The following HDAC4 variants were observed in gnomAD, a reference collection of about 807,000 sequenced individuals.
HDAC4 encodes the protein histone deacetylase A.
A neutral mutation model predicts 135.1 loss-of-function variants in HDAC4; 16 were observed. The observed-to-expected ratio is 0.12, with a 90% CI of 0.08 to 0.18. The LOEUF is 0.18. Ranked by LOEUF, HDAC4 falls within the 10% of genes least tolerant of loss-of-function variation. The probability of loss-of-function intolerance (pLI) is 1.00; values close to 1 mark genes in which losing one functional copy is unlikely to be tolerated. For synonymous variants in HDAC4, 685 were observed against 653.4 expected (o/e 1.05, Z -0.74); for missense variants, 1,143 against 1,511.8 (o/e 0.76, Z 4.05).
intron 3 of HDAC4, among the ~76,000 whole-genome samples, chr2:239,211,463 T>C (rs866272505): frequency 2.6e-5 from 4 of 152,186 alleles, no homozygotes; most frequent in Admixed American, 2.0e-4. Flanking sequence ...TTTAGTCAAA[T>C]GAGGATGAAG....
In HDAC4 at chr2:239,303,480, C is replaced by T. The variant is rs760228168; in HGVS notation, c.22+49198G>A. On this transcript the variant is annotated intron_variant, in intron 2 of 26. Transcript: ENST00000543185. The surrounding 1 kb of genome is among the most constrained non-coding windows in gnomAD (Gnocchi z 5.1). ...TCACAAGCACCCCACGAACAAGACACGGCAGCGTGCTTCCTCGATCTCCCC... is the reference window on the plus strand; with the variant it reads ...TCACAAGCACCCCACGAACAAGACATGGCAGCGTGCTTCCTCGATCTCCCC... Among the ~76,000 whole-genome samples, 6 of 152,280 alleles carry T rather than the reference C, an allele frequency of 3.9e-5. No individual in the cohort carries two copies. The highest frequency in any genetic ancestry group is 7.2e-5 in the African/African-American group (3 of 41,564).
At chr2:239,267,676 G>C (rs1287945310) in intron 2 of HDAC4, among the ~76,000 whole-genome samples, 1 of 152,260 alleles carries the variant, frequency 6.6e-6, no homozygotes, top group Non-Finnish European at 1.5e-5. Flanking sequence ...CCTGTGCCAG[G>C]GGCCCTGCGC....
intron 6 of HDAC4, among the ~76,000 whole-genome samples, chr2:239,158,212 G>T (rs9631045): frequency 6.6e-6 from 1 of 152,134 alleles, no homozygotes. Context: ...CTACCAAATA[G>T]TATTTTCAGA....
At chr2:239,341,140 G>A (rs889153736) in intron 2 of HDAC4, among the ~76,000 whole-genome samples, 1 of 152,206 alleles carries the variant, frequency 6.6e-6, no homozygotes, top group Non-Finnish European at 1.5e-5. Context: ...AAATGTTCTA[G>A]AACTCTTTTT....
chr2:239,396,716 G>A (rs1010967184), intron 1 of HDAC4, among the ~76,000 whole-genome samples: 2 of 152,198 alleles, frequency 1.3e-5, no homozygotes, highest in African/African-American at 4.8e-5. Flanking sequence ...TTGCCAAAGA[G>A]ATTTTTTAAA....
intron 16 of HDAC4, among the ~76,000 whole-genome samples, chr2:239,100,840 G>A (rs1417256326): frequency 1.3e-5 from 2 of 152,098 alleles, no homozygotes; most frequent in Non-Finnish European, 2.9e-5. Context: ...CTCATCTAGA[G>A]CAGCTGTCTC....
chr2:239,128,616 T>C (rs2040361095), intron 11 of HDAC4, among the ~76,000 whole-genome samples: 1 of 152,018 alleles, frequency 6.6e-6, no homozygotes, highest in African/African-American at 2.4e-5. Flanking sequence ...ACGGAGGAAA[T>C]AAGGAAGTCA....
At chr2:239,401,206 C>A (rs1386185288), upstream of HDAC4, among the ~76,000 whole-genome samples, 5 of 150,790 alleles carry the variant, frequency 3.3e-5, no homozygotes, top group South Asian at 6.3e-4. Flanking sequence ...CCGCCCCGGG[C>A]GCCTGGCCGG....
chr2:239,124,967 G>A (rs1403393504), intron 12 of HDAC4, among the ~76,000 whole-genome samples: 1 of 150,596 alleles, frequency 6.6e-6, no homozygotes, highest in Non-Finnish European at 1.5e-5. Context: ...TGACATTCTG[G>A]TGTGCTGGCG....
At chr2:239,126,901 C>T (rs1393601879) in intron 11 of HDAC4, among the ~76,000 whole-genome samples, 1 of 152,212 alleles carries the variant, frequency 6.6e-6, no homozygotes. Context: ...ACTATAGGAA[C>T]CATAATTTGG....
At chr2:239,094,767 G>A in intron 17 of HDAC4, 1 of 1,371,102 alleles carries the variant, frequency 7.3e-7, no homozygotes, top group Non-Finnish European at 9.5e-7. Flanking sequence ...TAAAGCGAGA[G>A]CCACTGCACC....
At chr2:239,249,964 C>T (rs1202106691) in intron 2 of HDAC4, among the ~76,000 whole-genome samples, 2 of 152,164 alleles carry the variant, frequency 1.3e-5, no homozygotes, top group African/African-American at 2.4e-5. Context: ...TGCTGTGACG[C>T]GTCATCCAAG....
intron 2 of HDAC4, among the ~76,000 whole-genome samples, chr2:239,253,033 G>A (rs1278010703): frequency 6.6e-6 from 1 of 152,218 alleles, no homozygotes; most frequent in African/African-American, 2.4e-5. Flanking sequence ...GTGCCTGGCA[G>A]AGCAGAGGCA....
chr2:239,117,647 CAGA>C (rs1194499387), intron 12 of HDAC4, among the ~76,000 whole-genome samples: 6 of 151,078 alleles, frequency 4.0e-5, no homozygotes, highest in South Asian at 4.2e-4. Context: ...GGGAGTTTCT[CAGA>C]AGAAGGCACT....
At chr2:239,164,669 C>T (rs1056127582) in intron 5 of HDAC4, among the ~76,000 whole-genome samples, 1 of 152,218 alleles carries the variant, frequency 6.6e-6, no homozygotes, top group East Asian at 1.9e-4. Context: ...TAAGTATCTT[C>T]CTAGTGTTGC....
chr2:239,302,516 C>A (rs2052328041), intron 2 of HDAC4, among the ~76,000 whole-genome samples: 1 of 152,220 alleles, frequency 6.6e-6, no homozygotes, highest in African/African-American at 2.4e-5. Context: ...AACAGCTTCC[C>A]CCAGGAAGGA....
rs2041198224 is a variant in HDAC4 at position 239,139,452 on chromosome 2, C to T, written c.978+232G>A. Among the ~76,000 whole-genome samples, 1 of 152,138 alleles carries T rather than the reference C, an allele frequency of 6.6e-6. No individual in the cohort carries two copies. The stretch of plus-strand genomic sequence containing the variant: ...AAAGGACCAGGCTCAGGGCTGTCCC[C>T]GACGTGCCTGGAACTAGCGTGTTCA... On this transcript the variant is annotated intron_variant, in intron 9 of 26. Transcript: ENST00000543185. This position sits in a 1 kb window ranked among gnomAD's most constrained non-coding sequence, Gnocchi z 5.3.
intron 21 of HDAC4, among the ~76,000 whole-genome samples, chr2:239,081,809 C>T (rs369473403): frequency 5.3e-5 from 8 of 152,302 alleles, no homozygotes; most frequent in South Asian, 2.1e-4. Flanking sequence ...GGGCCCTGCC[C>T]GGAGGAAAAC....
At chr2:239,236,512 C>T (rs1452072736) in intron 3 of HDAC4, 81 bp downstream of exon 3, 19 of 1,156,250 alleles carry the variant, frequency 1.6e-5, no homozygotes, top group Non-Finnish European at 2.3e-5. Flanking sequence ...TCTCTGCACT[C>T]CTCCAATAAG....
Sources: gnomAD v4.1 joint callset for allele counts (sites outside exome capture counted in the v4.1 genomes callset) on GRCh38, gnomAD v4.1.1 for gene constraint, Gnocchi (gnomAD v3.1) non-coding constraint, MANE v1.5 for transcripts, NCBI Gene and HGNC (gene_info 2026-07-23, HGNC 2026-07-21) for gene names.